Variants in CLSTN2 observed in about 807,000 individuals in gnomAD.
CLSTN2 encodes calsyntenin-2.
A neutral mutation model predicts 101.2 loss-of-function variants in CLSTN2; 48 were observed. That is an observed-to-expected ratio of 0.47 (90% CI 0.38 to 0.60). The LOEUF (loss-of-function observed/expected upper bound fraction) is 0.60. Ranked by LOEUF, CLSTN2 falls within the 20% of genes least tolerant of loss-of-function variation. The pLI, the probability that CLSTN2 is intolerant of heterozygous loss-of-function variation, is 0.00. For missense variants in CLSTN2, 1,160 were observed against 1,238.2 expected, an observed-to-expected ratio of 0.94 and a Z score of 0.95; for synonymous variants, 481 against 463.6, an observed-to-expected ratio of 1.04 and a Z score of -0.48.
At chr3:140,132,179 A>T (rs1216603414) in intron 1 of CLSTN2, among the ~76,000 whole-genome samples, 6 of 152,204 alleles carry the variant, frequency 3.9e-5, no homozygotes, top group Non-Finnish European at 7.3e-5. Context: ...GAAGTTTAAC[A>T]GGAGGAAAAA....
At chr3:140,488,626 A>G (rs1419810922) in intron 8 of CLSTN2, among the ~76,000 whole-genome samples, 1 of 137,500 alleles carries the variant, frequency 7.3e-6, no homozygotes, top group Non-Finnish European at 1.5e-5. Flanking sequence ...TGTGGAATGC[A>G]TTTAATACGT....
intron 2 of CLSTN2, among the ~76,000 whole-genome samples, chr3:140,312,097 T>C (rs986496078): frequency 6.6e-6 from 1 of 152,232 alleles, no homozygotes; most frequent in African/African-American, 2.4e-5. Context: ...CCCCAAATGC[T>C]TGGAAGCCAT....
chr3:139,978,219 G>A (rs984885174), intron 1 of CLSTN2, among the ~76,000 whole-genome samples: 1 of 152,138 alleles, frequency 6.6e-6, no homozygotes, highest in African/African-American at 2.4e-5. Context: ...TTATTGCCAG[G>A]CACCCTGTTA....
chr3:140,523,298 T>G (rs1935072633), intron 8 of CLSTN2, among the ~76,000 whole-genome samples: 1 of 152,138 alleles, frequency 6.6e-6, no homozygotes, highest in Non-Finnish European at 1.5e-5. Context: ...CATCTCAAGT[T>G]TTCTTTGTGT....
intron 1 of CLSTN2, among the ~76,000 whole-genome samples, chr3:140,162,819 T>A (rs2010069731): frequency 6.6e-6 from 1 of 152,178 alleles, no homozygotes; most frequent in Non-Finnish European, 1.5e-5. Context: ...ACCAGATAAT[T>A]GTCATCCATC....
intron 1 of CLSTN2, among the ~76,000 whole-genome samples, chr3:140,101,193 T>C (rs1388102853): frequency 6.6e-6 from 1 of 152,224 alleles, no homozygotes; most frequent in African/African-American, 2.4e-5. Context: ...TCCTGGTACA[T>C]AATAGGCACT....
At chr3:140,339,178 T>C (rs932385257) in intron 2 of CLSTN2, among the ~76,000 whole-genome samples, 1 of 152,196 alleles carries the variant, frequency 6.6e-6, no homozygotes, top group Non-Finnish European at 1.5e-5. Context: ...GTCTGTACCA[T>C]AAAGGGTTAG....
In CLSTN2 at chr3:140,556,521, C is replaced by T. The variant is rs1935795488; in HGVS notation, c.1683C>T (p.Phe561=). The T allele has an allele frequency of 1.9e-6, 3 of 1,614,052 alleles. No individual in the cohort carries two copies. In the East Asian group the frequency reaches 6.7e-5, roughly 36 times the overall value. ...ESLGQGIKYH[F]NPSQSILVME... ...TCACTTTTGTCTTCCAGTATCACTT[C>T]AACCCCTCGCAGTCCATCCTGGTGA... Residue 561 remains phenylalanine (F), a synonymous_variant, in exon 11 of 17, where the codon TTC becomes TTT. Coordinates refer to ENST00000458420, the MANE Select transcript of CLSTN2 (RefSeq NM_022131.3).
At chr3:140,291,722 T>G (rs2086955843) in intron 2 of CLSTN2, among the ~76,000 whole-genome samples, 1 of 151,598 alleles carries the variant, frequency 6.6e-6, no homozygotes, top group Non-Finnish European at 1.5e-5. Context: ...TCAAGCACTT[T>G]AATCCAATGC....
chr3:140,065,054 A>C (rs2008275403), intron 1 of CLSTN2, among the ~76,000 whole-genome samples: 1 of 152,266 alleles, frequency 6.6e-6, no homozygotes, highest in Non-Finnish European at 1.5e-5. Flanking sequence ...CTTGGCTAAC[A>C]ACCATGGAAG....
At chr3:140,368,651 C>A (rs1359757122) in intron 2 of CLSTN2, among the ~76,000 whole-genome samples, 5 of 152,148 alleles carry the variant, frequency 3.3e-5, no homozygotes, top group African/African-American at 1.2e-4. Flanking sequence ...AGGACTCTGA[C>A]TAGCACAGGT....
intron 1 of CLSTN2, among the ~76,000 whole-genome samples, chr3:139,953,931 T>TTGTGTGTG (rs145225696): frequency 0.017 from 2,559 of 147,442 alleles, 49 homozygotes; most frequent in African/African-American, 0.042. Context: ...GTGTGTGTGT[T>TTGTGTGTG]TGTGTGTGTG....
At chr3:139,985,913 A>C (rs1936014265) in intron 1 of CLSTN2, among the ~76,000 whole-genome samples, 1 of 152,182 alleles carries the variant, frequency 6.6e-6, no homozygotes, top group Non-Finnish European at 1.5e-5. Flanking sequence ...GAATTTTTAA[A>C]CTTCATTTAA....
chr3:140,518,058 G>A (rs987068753), intron 8 of CLSTN2, among the ~76,000 whole-genome samples: 5 of 152,162 alleles, frequency 3.3e-5, no homozygotes, highest in South Asian at 2.1e-4. Context: ...CCTGTGTCAC[G>A]CAGGTCACCA....
chr3:139,971,307 A>T (rs1935699059), intron 1 of CLSTN2, among the ~76,000 whole-genome samples: 1 of 152,204 alleles, frequency 6.6e-6, no homozygotes, highest in South Asian at 2.1e-4. Context: ...GCATCTTTTA[A>T]TTTCTCACCA....
rs1172514119 is a variant in CLSTN2, at chr3:140,496,363, G to A, written c.1344+29632G>A. On this transcript the variant is annotated intron_variant, in intron 8 of 16. Transcript: ENST00000458420. The stretch of plus-strand genomic sequence containing the variant: ...TGCTTATCAGCTTAAGAAGCTTTTG[G>A]GCTAAGGTGATGGGATTTTCTAGAT... Among the ~76,000 whole-genome samples the A allele has an allele frequency of 9.9e-5, 15 of 152,174 alleles. No individual in the cohort carries two copies. In the East Asian group the frequency reaches 2.1e-3, roughly 22 times the overall value.
chr3:140,572,660 A>G lies in CLSTN2; in HGVS notation c.*6407A>G. 1 of 152,300 alleles carries G rather than the reference A, an allele frequency of 6.6e-6. No individual in the cohort carries two copies. The highest frequency in any genetic ancestry group is 1.5e-5 in the Non-Finnish European group (1 of 68,044). The allele number at this position is 152,300 out of a possible 1,614,324, so 9.4% of individuals were successfully genotyped here. On this transcript the variant is annotated 3_prime_UTR_variant, in exon 17 of 17. Coordinates refer to ENST00000458420, the MANE Select transcript of CLSTN2 (RefSeq NM_022131.3). ...ACCTGGGAACATGTGAGAAGTGCAT[A>G]TTCTTGGGCCCCACCCCAGACCTAC...
intron 5 of CLSTN2, among the ~76,000 whole-genome samples, chr3:140,437,865 G>A (rs931372434): frequency 2.6e-5 from 4 of 152,150 alleles, no homozygotes; most frequent in Non-Finnish European, 5.9e-5. Flanking sequence ...ATGCAGTATT[G>A]TCAATATTGT....
chr3:140,557,768 A>C (rs535782917), intron 11 of CLSTN2, among the ~76,000 whole-genome samples: 1 of 152,154 alleles, frequency 6.6e-6, no homozygotes, highest in Non-Finnish European at 1.5e-5. Context: ...CAGAGCATCT[A>C]TCTGGCTCTG....
Sources: gnomAD v4.1 joint callset for allele counts (sites outside exome capture counted in the v4.1 genomes callset) on GRCh38, gnomAD v4.1.1 for gene constraint, MANE v1.5 for transcripts, NCBI Gene and HGNC (gene_info 2026-07-23, HGNC 2026-07-21) for gene names.